The following PSPC1 variants were observed in gnomAD, a reference collection of about 807,000 sequenced individuals.
PSPC1 encodes the protein paraspeckle component 1.
A neutral mutation model predicts 51.6 loss-of-function variants in PSPC1; 14 were observed. That is an observed-to-expected ratio of 0.27 (90% CI 0.18 to 0.42). The LOEUF is 0.42. PSPC1 is among the 10% of genes least tolerant of loss of function. PSPC1 has a pLI of 1.00. For synonymous variants in PSPC1, 193 were observed against 231.9 expected (o/e 0.83, Z 1.53); for missense variants, 406 against 701.1 (o/e 0.58, Z 4.75).
At chr13:19,730,979 A>AAAAAAC (rs1884037281) in intron 5 of PSPC1, among the ~76,000 whole-genome samples, 1 of 138,164 alleles carries the variant, frequency 7.2e-6, no homozygotes, top group African/African-American at 2.6e-5. Context: ...AAAAAAAAAA[A>AAAAAAC]CAGAAAAAGT....
intron 5 of PSPC1, among the ~76,000 whole-genome samples, chr13:19,731,917 G>A (rs935903353): frequency 1.4e-4 from 21 of 152,182 alleles, no homozygotes; most frequent in Admixed American, 1.2e-3. Flanking sequence ...AATTTATATA[G>A]TGAAGGCTAT....
chr13:19,726,103 C>G (rs775197531), intron 6 of PSPC1, among the ~76,000 whole-genome samples: 63 of 152,068 alleles, frequency 4.1e-4, no homozygotes, highest in Non-Finnish European at 2.8e-4. Flanking sequence ...CTGTAGTGTG[C>G]TATAATCACA....
At chr13:19,765,044 G>C (rs1378303326) in intron 2 of PSPC1, among the ~76,000 whole-genome samples, 2 of 152,016 alleles carry the variant, frequency 1.3e-5, no homozygotes, top group Non-Finnish European at 2.9e-5. Context: ...TTTTGTGATG[G>C]TTTTTCATTT....
Position 19,782,278 on chromosome 13 carries a change from T to C in PSPC1, c.372+108A>G, listed in dbSNP as rs902110469. ...TCGATGAGGCCGAGCGGCGCCACGG[T>C]TGCCACAGGTTGAGACAGCGTCCTA... On this transcript the variant is annotated intron_variant, in intron 1 of 8. Coordinates refer to ENST00000338910, the MANE Select transcript of PSPC1 (RefSeq NM_001354909.2). The surrounding 1 kb of genome is among the most constrained non-coding windows in gnomAD (Gnocchi z 4.5). The C allele has an allele frequency of 2.8e-6, 4 of 1,416,376 alleles. No homozygotes were observed. The African/African-American group carries it at 6.0e-5, about 21-fold the overall frequency. The allele number at this position is 1,416,376 out of a possible 1,614,324, so 87.7% of individuals were successfully genotyped here. A position where few individuals can be genotyped will look rare whatever the true frequency, so the allele number is the denominator to read the frequency against.
chr13:19,722,612 G>A (rs1222380401), intron 6 of PSPC1, among the ~76,000 whole-genome samples: 2 of 152,044 alleles, frequency 1.3e-5, no homozygotes, highest in Non-Finnish European at 2.9e-5. Flanking sequence ...TGGCCAACAC[G>A]GTGAAACCCC....
downstream of PSPC1, among the ~76,000 whole-genome samples, chr13:19,698,746 CAG>C (rs1879542293): frequency 6.6e-6 from 1 of 151,770 alleles, no homozygotes; most frequent in Non-Finnish European, 1.5e-5. Context: ...GGATCTTTCG[CAG>C]AGGAGGGAAC....
chr13:19,743,543 A>T, intron 4 of PSPC1, among the ~76,000 whole-genome samples: 1 of 152,212 alleles, frequency 6.6e-6, no homozygotes, highest in East Asian at 1.9e-4. Flanking sequence ...TTCAACTGGG[A>T]TGCCAGGCCA....
intron 3 of PSPC1, among the ~76,000 whole-genome samples, chr13:19,757,464 C>T (rs1298631455): frequency 3.3e-5 from 5 of 152,276 alleles, no homozygotes; most frequent in South Asian, 4.1e-4. Context: ...AAAAGACCAT[C>T]GGTCCCTCTG....
chr13:19,709,525 T>C lies in PSPC1; in HGVS notation c.1216+17A>G. Reference sequence around the variant, plus strand: ...AAAAATGATAAATTACAAAAGCCTTTTGCTTCAAATCCCTACCTCCCATGT... The same window carrying C: ...AAAAATGATAAATTACAAAAGCCTTCTGCTTCAAATCCCTACCTCCCATGT... On this transcript the variant is annotated intron_variant, in intron 7 of 8. Transcript: ENST00000338910. 1 of 1,604,258 alleles carries C rather than the reference T, an allele frequency of 6.2e-7. No individual in the cohort carries two copies. Among genetic ancestry groups the C allele is most frequent in the African/African-American group, 1.3e-5 (1 of 74,336 alleles).
chr13:19,779,618 G>A (rs1368041774), intron 1 of PSPC1, among the ~76,000 whole-genome samples: 15 of 30,894 alleles, frequency 4.9e-4, no homozygotes, highest in African/African-American at 1.6e-3. Flanking sequence ...GCCTCTGCCC[G>A]GCCGCCCCTA....
chr13:19,733,698 G>A (rs777469224), intron 5 of PSPC1, among the ~76,000 whole-genome samples: 4 of 151,880 alleles, frequency 2.6e-5, no homozygotes, highest in Non-Finnish European at 5.9e-5. Flanking sequence ...GGGAGGCGGA[G>A]GTTGCAGTGA....
At chr13:19,680,484 A>ATAT (rs1327236957) in intron 6 of PSPC1, among the ~76,000 whole-genome samples, 3 of 152,254 alleles carry the variant, frequency 2.0e-5, no homozygotes, top group Non-Finnish European at 4.4e-5. Context: ...CTACACATCT[A>ATAT]TTCAATGATA....
At chr13:19,677,677 G>A (rs1318291777) in intron 7 of PSPC1, 40 of 413,990 alleles carry the variant, frequency 9.7e-5, no homozygotes, top group South Asian at 6.0e-4. Flanking sequence ...AGGAAGAAAC[G>A]AATACTCAAG....
intron 1 of PSPC1, among the ~76,000 whole-genome samples, chr13:19,776,722 T>C (rs1231886850): frequency 2.0e-5 from 3 of 151,872 alleles, no homozygotes; most frequent in African/African-American, 7.2e-5. Flanking sequence ...TTAGCCAGGA[T>C]GGTCTCGATC....
intron 1 of PSPC1, among the ~76,000 whole-genome samples, chr13:19,774,343 A>G (rs564378006): frequency 7.7e-4 from 117 of 152,376 alleles, no homozygotes; most frequent in African/African-American, 2.7e-3. Flanking sequence ...TAAGGTCACA[A>G]GAGCTCTTTA....
chr13:19,727,835 C>A (rs1011878542), intron 6 of PSPC1, among the ~76,000 whole-genome samples: 1 of 152,098 alleles, frequency 6.6e-6, no homozygotes, highest in Admixed American at 6.6e-5. Flanking sequence ...TTAGTAAATA[C>A]TGCCTGGAAA....
chr13:19,692,440 T>C (rs986986812), intron 6 of PSPC1, among the ~76,000 whole-genome samples: 1 of 152,124 alleles, frequency 6.6e-6, no homozygotes. Flanking sequence ...GAATGATGCA[T>C]TTTGTGGAGA....
At position 19,782,485 on chromosome 13, in the gene PSPC1, G is replaced by A. The variant is rs1368046709; in HGVS notation, c.273C>T (p.Thr91=). Reference sequence around the variant, plus strand: ...TCTTGAAGTCCTCCTCCGTGATGTCGGTGGGCAGATTTCCCACGAAGAGGC... The same window carrying A: ...TCTTGAAGTCCTCCTCCGTGATGTCAGTGGGCAGATTTCCCACGAAGAGGC... ...RCRLFVGNLP[T]DITEEDFKRL... Residue 91 remains threonine, a synonymous_variant, in exon 1 of 9, where the codon ACC becomes ACT. Coordinates refer to ENST00000338910, the MANE Select transcript of PSPC1 (RefSeq NM_001354909.2). This position sits in a 1 kb window ranked among gnomAD's most constrained non-coding sequence, Gnocchi z 4.5. 2.5e-6 allele frequency: 4 copies of A among 1,613,020 alleles called. No individual in the cohort carries two copies. The highest frequency in any genetic ancestry group is 2.5e-6 in the Non-Finnish European group (3 of 1,179,626).
intron 2 of PSPC1, among the ~76,000 whole-genome samples, chr13:19,762,000 G>A (rs1030617092): frequency 6.6e-6 from 1 of 152,170 alleles, no homozygotes; most frequent in Non-Finnish European, 1.5e-5. Flanking sequence ...AGTATATGAA[G>A]CCAAGGGAAA....
Sources: gnomAD v4.1 joint callset for allele counts (sites outside exome capture counted in the v4.1 genomes callset) on GRCh38, gnomAD v4.1.1 for gene constraint, Gnocchi (gnomAD v3.1) non-coding constraint, MANE v1.5 for transcripts, NCBI Gene and HGNC (gene_info 2026-07-23, HGNC 2026-07-21) for gene names.